Variants in LMX1B observed in about 807,000 individuals in gnomAD.
LMX1B encodes the protein LIM homeobox transcription factor 1 beta.
A neutral mutation model predicts 51.4 loss-of-function variants in LMX1B; 12 were observed. The ratio of observed to expected loss-of-function variants is 0.23; its 90% CI spans 0.15 to 0.38. The LOEUF (loss-of-function observed/expected upper bound fraction) is 0.38, where lower values mean the gene tolerates loss of function less well. Among genes scored for constraint, LMX1B ranks in the 10% least tolerant of loss-of-function variants. LMX1B has a pLI of 1.00. For synonymous variants in LMX1B, 237 were observed against 235.4 expected (o/e 1.01, Z -0.06); for missense variants, 445 against 571.1 (o/e 0.78, Z 2.25).
chr9:126,684,186 C>T (rs568098576), intron 2 of LMX1B, among the ~76,000 whole-genome samples: 5 of 152,206 alleles, frequency 3.3e-5, no homozygotes, highest in South Asian at 2.1e-4. Flanking sequence ...CTGCTGGGAC[C>T]GTGGGCTTGG....
At position 126,626,566 on chromosome 9, in the gene LMX1B, C is replaced by A. The variant is rs1446640484; in HGVS notation, c.326+10997C>A. On this transcript the variant is annotated intron_variant, in intron 2 of 7. Coordinates refer to ENST00000373474, the MANE Select transcript of LMX1B (RefSeq NM_001174147.2). The surrounding 1 kb of genome is among the most constrained non-coding windows in gnomAD (Gnocchi z 4.3). ...CCTCTCCTGGAGCCCCCTCTGCAAT[C>A]CCGGCTCAGTCGGCAACCGGCCCTT... 1.3e-5 allele frequency among the ~76,000 whole-genome samples: 2 copies of A among 152,210 alleles called. No individual in the cohort carries two copies. The highest frequency in any genetic ancestry group is 2.9e-5 in the Non-Finnish European group (2 of 68,038).
chr9:126,664,565 G>A (rs1054239227), intron 2 of LMX1B, among the ~76,000 whole-genome samples: 12 of 152,202 alleles, frequency 7.9e-5, no homozygotes, highest in South Asian at 2.1e-4. Flanking sequence ...CGCATGGCCC[G>A]TACTAGGTAC....
chr9:126,654,075 A>C (rs1836068225), intron 2 of LMX1B, among the ~76,000 whole-genome samples: 1 of 152,148 alleles, frequency 6.6e-6, no homozygotes, highest in African/African-American at 2.4e-5. Context: ...AGAATGTGGA[A>C]TATGCCGCTG....
intron 2 of LMX1B, among the ~76,000 whole-genome samples, chr9:126,675,733 A>T (rs1836542477): frequency 7.4e-6 from 1 of 134,230 alleles, no homozygotes; most frequent in South Asian, 2.3e-4. Flanking sequence ...CAAAAAAAAA[A>T]TTAAAAAAAA....
rs577172677 is a variant in LMX1B, at chr9:126,682,894, GAAA to G, written c.327-7923_327-7921del. The stretch of plus-strand genomic sequence containing the variant: ...TGGGTGACAGAGAGGCACTCTGTCT[GAAA>G]AAAAAAAAAAAAAAAAAAGAAAGAA... On this transcript the variant is annotated intron_variant, in intron 2 of 7. Coordinates refer to ENST00000373474, the MANE Select transcript of LMX1B (RefSeq NM_001174147.2). Among the ~76,000 whole-genome samples the G allele has an allele frequency of 1.2e-3, 103 of 86,126 alleles. 1 individual carries two copies. In the East Asian group the frequency reaches 0.017, roughly 14 times the overall value. The allele number at this position is 86,126 out of a possible 152,430, so 56.5% of individuals were successfully genotyped here.
intron 2 of LMX1B, among the ~76,000 whole-genome samples, chr9:126,683,093 GGGGCCGGCGGCCCCGCACAGCTGC>G (rs1446522241): frequency 1.3e-5 from 2 of 151,136 alleles, no homozygotes; most frequent in African/African-American, 4.8e-5. Context: ...AAAGGGCCGA[GGGGCCGGCGGCCCCGCACAGCTGC>G]GGGCCGCAGG....
chr9:126,654,255 C>T (rs1836071418), intron 2 of LMX1B, among the ~76,000 whole-genome samples: 1 of 152,240 alleles, frequency 6.6e-6, no homozygotes, highest in Admixed American at 6.5e-5. Context: ...CGGGAACCTT[C>T]CCTGACACTC....
intron 2 of LMX1B, among the ~76,000 whole-genome samples, chr9:126,628,186 G>A (rs1157012103): frequency 1.3e-5 from 2 of 152,212 alleles, no homozygotes; most frequent in African/African-American, 4.8e-5. Flanking sequence ...CCTGTCTATA[G>A]TGGGTCATGG....
In LMX1B at chr9:126,641,530, C is replaced by A. The variant is rs1211319801; in HGVS notation, c.326+25961C>A. Among the ~76,000 whole-genome samples the A allele has an allele frequency of 6.6e-6, 1 of 152,122 alleles. No homozygotes were observed. Among genetic ancestry groups the A allele is most frequent in the Admixed American group, 6.5e-5 (1 of 15,276 alleles). ...ATGGTGCCTGATAGTATGGTCTTCT[C>A]GGGCCTGAGCTGGGCTGGGCTGGGT... On this transcript the variant is annotated intron_variant, in intron 2 of 7. Coordinates refer to ENST00000373474, the MANE Select transcript of LMX1B (RefSeq NM_001174147.2). The surrounding 1 kb of genome is among the most constrained non-coding windows in gnomAD (Gnocchi z 4.1).
chr9:126,617,740 G>A (rs979755428), intron 2 of LMX1B, among the ~76,000 whole-genome samples: 3 of 152,168 alleles, frequency 2.0e-5, no homozygotes, highest in Admixed American at 2.0e-4. Flanking sequence ...GGCACAGGGC[G>A]AATCTCAGGT....
chr9:126,693,394 C>A, intron 4 of LMX1B, 71 bp downstream of exon 4: 1 of 1,552,254 alleles, frequency 6.4e-7, no homozygotes, highest in East Asian at 2.3e-5. Context: ...AGACCACCCC[C>A]TGCTCCTGCT....
At chr9:126,676,296 C>T (rs185262684) in intron 2 of LMX1B, among the ~76,000 whole-genome samples, 1 of 152,228 alleles carries the variant, frequency 6.6e-6, no homozygotes, top group African/African-American at 2.4e-5. Flanking sequence ...CCGTCTCAGC[C>T]CAAATCTCTG....
chr9:126,635,695 A>G (rs1248764182), intron 2 of LMX1B, among the ~76,000 whole-genome samples: 1 of 152,218 alleles, frequency 6.6e-6, no homozygotes, highest in African/African-American at 2.4e-5. Context: ...CAAGTCTCAC[A>G]AAATTGCAGC....
intron 2 of LMX1B, among the ~76,000 whole-genome samples, chr9:126,634,908 G>A (rs1195363501): frequency 6.6e-6 from 1 of 152,130 alleles, no homozygotes; most frequent in African/African-American, 2.4e-5. Flanking sequence ...ATGGAAGCCT[G>A]TGGCCTGTTA....
At chr9:126,632,650 G>C (rs187054426) in intron 2 of LMX1B, among the ~76,000 whole-genome samples, 4 of 152,144 alleles carry the variant, frequency 2.6e-5, no homozygotes, top group Admixed American at 2.6e-4. Flanking sequence ...GGGTAGTTGC[G>C]GGAACCAGAG....
rs188900823 is a variant in LMX1B, at chr9:126,634,610, C to A, written c.326+19041C>A. ...GGTGCCAGGTTCTGCACACCCCCCCCACAATGCCACATCCATGAGCCACTG... is the reference window on the plus strand; with the variant it reads ...GGTGCCAGGTTCTGCACACCCCCCCAACAATGCCACATCCATGAGCCACTG... On this transcript the variant is annotated intron_variant, in intron 2 of 7. Transcript: ENST00000373474. Among the ~76,000 whole-genome samples the A allele has an allele frequency of 2.4e-4, 37 of 152,166 alleles. No homozygotes were observed. In the East Asian group the frequency reaches 6.6e-3, roughly 27 times the overall value.
rs1564164434 is a variant in LMX1B, at chr9:126,678,326, AAACAAAAAAAAAAAAC to A, written c.327-12507_327-12492del. 1.0e-4 allele frequency among the ~76,000 whole-genome samples: 11 copies of A among 109,076 alleles called. 1 individual carries two copies. The highest frequency in any genetic ancestry group is 6.1e-4 in the African/African-American group (11 of 18,130). 71.6% of individuals were successfully genotyped at this position (109,076 alleles called of 152,430 possible). A position where few individuals can be genotyped will look rare whatever the true frequency, so the allele number is the denominator to read the frequency against. On this transcript the variant is annotated intron_variant, in intron 2 of 7. Transcript: ENST00000373474. ...CTTCGTCTCAAAAAAAAAAAACAAA[AAACAAAAAAAAAAAAC>A]AAAAAGACTGCGGAGAAGCTGCCAC...
Position 126,658,783 on chromosome 9 carries a change from T to C in LMX1B, c.327-32053T>C, listed in dbSNP as rs1265680190. Among the ~76,000 whole-genome samples the C allele has an allele frequency of 6.6e-6, 1 of 152,214 alleles. No individual in the cohort carries two copies. Among genetic ancestry groups the C allele is most frequent in the Admixed American group, 6.5e-5 (1 of 15,284 alleles). ...ATTATCAAGCCAAAACCTGGGAAAG[T>C]CATTTGCATTCATTGCAGCAGGAGA... On this transcript the variant is annotated intron_variant, in intron 2 of 7. Coordinates refer to ENST00000373474, the MANE Select transcript of LMX1B (RefSeq NM_001174147.2). The surrounding 1 kb of genome is among the most constrained non-coding windows in gnomAD (Gnocchi z 4.0).
chr9:126,647,521 G>C (rs1192690347), intron 2 of LMX1B, among the ~76,000 whole-genome samples: 1 of 152,210 alleles, frequency 6.6e-6, no homozygotes, highest in East Asian at 1.9e-4. Context: ...CTAGTCCCCT[G>C]ATGATGGACA....
Sources: allele counts gnomAD v4.1 joint callset (sites outside exome capture counted in the v4.1 genomes callset), GRCh38; gene constraint gnomAD v4.1.1; non-coding constraint Gnocchi (gnomAD v3.1); transcripts MANE v1.5; gene names NCBI Gene and HGNC (gene_info 2026-07-23, HGNC 2026-07-21).